MAP3K13: variants seen among roughly 807,000 people sequenced by gnomAD.
MAP3K13 encodes the protein mitogen-activated protein kinase kinase kinase 13.
MAP3K13 carries 52 observed loss-of-function variants against 104.0 expected under a neutral mutation model. That is an observed-to-expected ratio of 0.50 (90% CI 0.40 to 0.63). The LOEUF (loss-of-function observed/expected upper bound fraction) is 0.63, where lower values mean the gene tolerates loss of function less well. MAP3K13 is among the 20% of genes least tolerant of loss of function. The probability of loss-of-function intolerance (pLI) is 0.00; values close to 1 mark genes in which losing one functional copy is unlikely to be tolerated. For missense variants in MAP3K13, 914 were observed against 1,218.5 expected, an observed-to-expected ratio of 0.75 and a Z score of 3.72; for synonymous variants, 394 against 442.2, an observed-to-expected ratio of 0.89 and a Z score of 1.37.
chr3:185,414,471 A>G (rs1326905097), intron 1 of MAP3K13, among the ~76,000 whole-genome samples: 2 of 152,224 alleles, frequency 1.3e-5, no homozygotes, highest in African/African-American at 4.8e-5. Flanking sequence ...CTTGAAAAAT[A>G]GAAGGCATGG....
chr3:185,475,518 T>C (rs936422463), intron 11 of MAP3K13, among the ~76,000 whole-genome samples: 1 of 152,156 alleles, frequency 6.6e-6, no homozygotes, highest in Non-Finnish European at 1.5e-5. Flanking sequence ...TCCACCTACA[T>C]TGCTGCTCCT....
intron 1 of MAP3K13, among the ~76,000 whole-genome samples, chr3:185,385,096 T>C (rs749919863): frequency 2.6e-5 from 4 of 152,180 alleles, no homozygotes; most frequent in Admixed American, 2.6e-4. Flanking sequence ...TCAATCCATT[T>C]TGATTAGTTT....
At chr3:185,457,832 G>A (rs1344621803) in intron 7 of MAP3K13, among the ~76,000 whole-genome samples, 1 of 152,094 alleles carries the variant, frequency 6.6e-6, no homozygotes, top group Admixed American at 6.6e-5. Flanking sequence ...ACTACCTCTA[G>A]CTAATATGAA....
intron 3 of MAP3K13, among the ~76,000 whole-genome samples, chr3:185,438,952 C>T (rs1715185157): frequency 6.6e-6 from 1 of 152,122 alleles, no homozygotes; most frequent in Admixed American, 6.5e-5. Flanking sequence ...CTTACAAATC[C>T]CCCTCCTAAA....
intron 2 of MAP3K13, chr3:185,292,871 G>A: frequency 1.0e-6 from 1 of 984,010 alleles, no homozygotes. Flanking sequence ...AGTTATGGGA[G>A]TTATAGATTA....
chr3:185,361,978 A>G (rs1454222833), upstream of MAP3K13, among the ~76,000 whole-genome samples: 1 of 152,240 alleles, frequency 6.6e-6, no homozygotes, highest in African/African-American at 2.4e-5. Flanking sequence ...GAAGTGTGCA[A>G]TACTTACTAG....
At chr3:185,337,537 A>T (rs984773465) in intron 2 of MAP3K13, among the ~76,000 whole-genome samples, 9 of 152,362 alleles carry the variant, frequency 5.9e-5, no homozygotes, top group Middle Eastern at 3.4e-3. Flanking sequence ...AAAGAATTTC[A>T]CATCAGAACT....
chr3:185,340,650 A>G (rs1722683670), intron 2 of MAP3K13, among the ~76,000 whole-genome samples: 1 of 152,126 alleles, frequency 6.6e-6, no homozygotes, highest in East Asian at 1.9e-4. Context: ...TGTAATCCCC[A>G]TAATCCTCAC....
At chr3:185,309,833 G>A (rs1381978813) in intron 2 of MAP3K13, among the ~76,000 whole-genome samples, 1 of 152,050 alleles carries the variant, frequency 6.6e-6, no homozygotes, top group Non-Finnish European at 1.5e-5. Flanking sequence ...GTTTTGTTTT[G>A]TTTTTACAGT....
intron 2 of MAP3K13, among the ~76,000 whole-genome samples, chr3:185,313,266 C>T (rs1721556772): frequency 8.1e-6 from 1 of 123,234 alleles, no homozygotes; most frequent in Admixed American, 9.6e-5. Context: ...AACAATAGTA[C>T]AAGTTTTTTT....
At chr3:185,336,654 A>G (rs1007413961) in intron 2 of MAP3K13, among the ~76,000 whole-genome samples, 1 of 151,532 alleles carries the variant, frequency 6.6e-6, no homozygotes, top group Non-Finnish European at 1.5e-5. Context: ...AAAGCTAATA[A>G]TGAGATATGG....
At chr3:185,367,695 C>T (rs1179520871) in intron 1 of MAP3K13, among the ~76,000 whole-genome samples, 1 of 151,966 alleles carries the variant, frequency 6.6e-6, no homozygotes, top group African/African-American at 2.4e-5. Flanking sequence ...CTCCTGGGCT[C>T]AAGCCATCTT....
chr3:185,437,536 G>A lies in MAP3K13; in HGVS notation c.565G>A (p.Ala189Thr). Residue 189 changes from alanine to threonine, a missense_variant, in exon 3 of 14, where the codon GCG (alanine) becomes ACG (threonine). Coordinates refer to ENST00000265026, the MANE Select transcript of MAP3K13 (RefSeq NM_004721.5). ...AGCGGTCTTCTTGGGCAAGTTCCGG[G>A]CGGAAGAGGTGGCCATCAAGAAAGT... ...QGAVFLGKFRAEEVAIKKVRE... is the reference protein window; with the variant it reads ...QGAVFLGKFRTEEVAIKKVRE... 6.2e-7 allele frequency: 1 copy of A among 1,614,072 alleles called. No individual in the cohort carries two copies. Among genetic ancestry groups the A allele is most frequent in the South Asian group, 1.1e-5 (1 of 91,070 alleles).
At chr3:185,411,664 A>G (rs951736084) in intron 1 of MAP3K13, among the ~76,000 whole-genome samples, 1 of 151,988 alleles carries the variant, frequency 6.6e-6, no homozygotes, top group Non-Finnish European at 1.5e-5. Flanking sequence ...TCTATTAGTG[A>G]TTTTTAAATG....
chr3:185,488,385 C>G lies in MAP3K13; in HGVS notation c.*5929C>G, dbSNP rs1718824742. 1 of 152,206 alleles carries G rather than the reference C, an allele frequency of 6.6e-6. No individual in the cohort carries two copies. Among genetic ancestry groups the G allele is most frequent in the African/African-American group, 2.4e-5 (1 of 41,454 alleles). 9.4% of individuals were successfully genotyped at this position (152,206 alleles called of 1,614,324 possible). Reference sequence around the variant, plus strand: ...TGTTTGCATGTTACAACTGATACTGCAAAAGCCTATTCAAGTCGGACTGAA... The same window carrying G: ...TGTTTGCATGTTACAACTGATACTGGAAAAGCCTATTCAAGTCGGACTGAA... On this transcript the variant is annotated 3_prime_UTR_variant, in exon 14 of 14. Transcript: ENST00000265026.
upstream of MAP3K13, among the ~76,000 whole-genome samples, chr3:185,359,950 A>C (rs1485574814): frequency 6.6e-6 from 1 of 152,016 alleles, no homozygotes; most frequent in Non-Finnish European, 1.5e-5. Context: ...CAAAAAAAAA[A>C]AACTCCAAAA....
intron 1 of MAP3K13, among the ~76,000 whole-genome samples, chr3:185,387,291 C>A (rs1259779487): frequency 6.6e-6 from 1 of 152,090 alleles, no homozygotes; most frequent in East Asian, 1.9e-4. Flanking sequence ...TCAGTGAGTT[C>A]TCACTCTATT....
chr3:185,454,304 T>TATATATG lies in MAP3K13; in HGVS notation c.1278+2915_1278+2916insGATATAT, dbSNP rs1560116239. Among the ~76,000 whole-genome samples the TATATATG allele has an allele frequency of 1.1e-4, 10 of 91,944 alleles. 4 individuals carry two copies. The highest frequency in any genetic ancestry group is 3.4e-4 in the South Asian group (1 of 2,934). The allele number at this position is 91,944 out of a possible 152,430, so 60.3% of individuals were successfully genotyped here. ...TATGATATATATGAGATATATATCA[T>TATATATG]ATATATATGAGATATATATGAGATA... On this transcript the variant is annotated intron_variant, in intron 7 of 13. Transcript: ENST00000265026.
intron 2 of MAP3K13, among the ~76,000 whole-genome samples, chr3:185,354,398 C>T (rs1201896425): frequency 1.3e-5 from 2 of 149,814 alleles, no homozygotes; most frequent in African/African-American, 2.5e-5. Flanking sequence ...GCATTGCCCC[C>T]GTTTGAAGCC....
Sources: gnomAD v4.1 joint callset for allele counts (sites outside exome capture counted in the v4.1 genomes callset) on GRCh38, gnomAD v4.1.1 for gene constraint, MANE v1.5 for transcripts, NCBI Gene and HGNC (gene_info 2026-07-23, HGNC 2026-07-21) for gene names.